The following GTF2H1 variants were observed in gnomAD, a reference collection of about 807,000 sequenced individuals.
The protein encoded by GTF2H1 is general transcription factor IIH subunit 1, also known as BTF2 p62.
A neutral mutation model predicts 71.2 loss-of-function variants in GTF2H1; 16 were observed. The observed-to-expected ratio is 0.22, with a 90% CI of 0.15 to 0.34. The LOEUF (loss-of-function observed/expected upper bound fraction) is 0.34. Ranked by LOEUF, GTF2H1 falls within the 10% of genes least tolerant of loss-of-function variation. The pLI, the probability that GTF2H1 is intolerant of heterozygous loss-of-function variation, is 1.00. For synonymous variants in GTF2H1, 215 were observed against 219.0 expected (o/e 0.98, Z 0.16); for missense variants, 498 against 648.2 (o/e 0.77, Z 2.52).
At chr11:18,341,496 A>G (rs778274566) in intron 6 of GTF2H1, 32 bp from the exon 7 acceptor site, 2 of 1,605,098 alleles carry the variant, frequency 1.2e-6, no homozygotes, top group South Asian at 1.1e-5. Flanking sequence ...CAGATAAGAC[A>G]TGCTGAACTT....
At chr11:18,329,987 A>T (rs537868142) in intron 1 of GTF2H1, among the ~76,000 whole-genome samples, 66 of 152,186 alleles carry the variant, frequency 4.3e-4, no homozygotes, top group Non-Finnish European at 7.9e-4. Context: ...GAGGTTGGGG[A>T]AAAGAGATTG....
At chr11:18,337,307 G>A (rs1013417966) in intron 3 of GTF2H1, among the ~76,000 whole-genome samples, 3 of 152,226 alleles carry the variant, frequency 2.0e-5, no homozygotes, top group East Asian at 1.9e-4. Flanking sequence ...TTAGCTGGGT[G>A]TAGTGGCGCA....
At chr11:18,358,225 G>A (rs983682784) in intron 12 of GTF2H1, 183 bp downstream of exon 12, 66 of 607,780 alleles carry the variant, frequency 1.1e-4, no homozygotes, top group Non-Finnish European at 1.8e-4. Flanking sequence ...TTTCAGAACC[G>A]TCTTACTATT....
At chr11:18,360,951 G>T (rs756543480) in intron 14 of GTF2H1, among the ~76,000 whole-genome samples, 1 of 151,702 alleles carries the variant, frequency 6.6e-6, no homozygotes, top group Non-Finnish European at 1.5e-5. Flanking sequence ...GATTACAAGC[G>T]CATGCTGCCA....
At chr11:18,335,664 T>A in intron 2 of GTF2H1, 90 bp from the exon 3 acceptor site, 1 of 898,504 alleles carries the variant, frequency 1.1e-6, no homozygotes, top group Non-Finnish European at 1.8e-6. Context: ...CCCAAAGGAA[T>A]CCTGAATCAT....
chr11:18,336,004 T>G, intron 3 of GTF2H1, 58 bp downstream of exon 3: 1 of 1,290,852 alleles, frequency 7.7e-7, no homozygotes, highest in Non-Finnish European at 1.1e-6. Flanking sequence ...AGTCTCCTAG[T>G]ATGCTAATAG....
chr11:18,366,110 T>C lies in GTF2H1; in HGVS notation c.*241T>C. On this transcript the variant is annotated 3_prime_UTR_variant, in exon 15 of 15. Transcript: ENST00000265963. ...CCAAATGAGCTAAGTTGCAAATATA[T>C]ATATATACACACACACACATATATG... The C allele has an allele frequency of 1.8e-6, 1 of 541,634 alleles. No individual in the cohort carries two copies. The highest frequency in any genetic ancestry group is 3.3e-6 in the Non-Finnish European group (1 of 302,116). 33.6% of individuals were successfully genotyped at this position (541,634 alleles called of 1,614,324 possible).
intron 7 of GTF2H1, among the ~76,000 whole-genome samples, chr11:18,344,386 A>G (rs1218998270): frequency 2.0e-5 from 3 of 152,094 alleles, no homozygotes; most frequent in African/African-American, 4.8e-5. Context: ...TGGGACGCCA[A>G]GGTGGGTGGA....
intron 7 of GTF2H1, among the ~76,000 whole-genome samples, chr11:18,342,345 T>C (rs1865180720): frequency 7.3e-6 from 1 of 136,710 alleles, no homozygotes; most frequent in Admixed American, 8.1e-5. Flanking sequence ...CACTGCAACC[T>C]CTGCCTCCCA....
intron 7 of GTF2H1, among the ~76,000 whole-genome samples, chr11:18,345,130 G>A (rs1220163803): frequency 1.3e-5 from 2 of 151,886 alleles, no homozygotes; most frequent in Non-Finnish European, 2.9e-5. Flanking sequence ...GGTCAAGGCT[G>A]CAGTGAACTG....
intron 11 of GTF2H1, among the ~76,000 whole-genome samples, chr11:18,353,178 C>T (rs1865467254): frequency 2.0e-5 from 3 of 152,214 alleles, no homozygotes. Flanking sequence ...TGAGCTGACA[C>T]CGCGCCATTG....
At chr11:18,344,207 A>G (rs1310748801) in intron 7 of GTF2H1, among the ~76,000 whole-genome samples, 1 of 152,152 alleles carries the variant, frequency 6.6e-6, no homozygotes, top group Non-Finnish European at 1.5e-5. Context: ...ATCTACACAA[A>G]CGCTTACACC....
chr11:18,351,143 G>A (rs143908722), intron 9 of GTF2H1, among the ~76,000 whole-genome samples: 304 of 152,140 alleles, frequency 2.0e-3, no homozygotes, highest in Non-Finnish European at 3.6e-3. Flanking sequence ...AAATTAAGCC[G>A]GAAGCTGAGC....
chr11:18,342,022 C>A (rs4150606), intron 7 of GTF2H1: 71,334 of 154,648 alleles, frequency 0.46, 18,909 homozygotes, highest in East Asian at 0.85. Context: ...TTATACCATG[C>A]CAACCCCAAT....
At chr11:18,358,494 T>G in intron 12 of GTF2H1, 31 bp from the exon 13 acceptor site, 1 of 1,280,784 alleles carries the variant, frequency 7.8e-7, no homozygotes, top group Non-Finnish European at 1.1e-6. Context: ...AAAATAGCTC[T>G]TAACCTATGG....
intron 11 of GTF2H1, among the ~76,000 whole-genome samples, chr11:18,355,940 G>A (rs1410513842): frequency 1.3e-5 from 2 of 151,986 alleles, no homozygotes. Flanking sequence ...CTTCACACAG[G>A]CTCTCCTGTG....
chr11:18,327,899 A>AT (rs1864802375), intron 1 of GTF2H1, among the ~76,000 whole-genome samples: 1 of 152,142 alleles, frequency 6.6e-6, no homozygotes, highest in South Asian at 2.1e-4. Context: ...TAAATTTTAG[A>AT]TTTTTTTAAA....
intron 9 of GTF2H1, chr11:18,351,442 GA>G (rs1208341703): frequency 2.0e-5 from 3 of 152,040 alleles, no homozygotes; most frequent in Non-Finnish European, 4.4e-5. Flanking sequence ...CCGAGGAGAG[GA>G]TTTTTTTATA....
At chr11:18,323,619 C>T (rs1328833124) in intron 1 of GTF2H1, among the ~76,000 whole-genome samples, 1 of 152,076 alleles carries the variant, frequency 6.6e-6, no homozygotes, top group Non-Finnish European at 1.5e-5. Flanking sequence ...GTATTGACTC[C>T]ATACAAACCA....
Sources: gnomAD v4.1 joint callset for allele counts (sites outside exome capture counted in the v4.1 genomes callset) on GRCh38, gnomAD v4.1.1 for gene constraint, MANE v1.5 for transcripts, NCBI Gene and HGNC (gene_info 2026-07-23, HGNC 2026-07-21) for gene names.